Variants in BCAS3 observed in about 807,000 individuals in gnomAD.
The protein encoded by BCAS3 is BCAS3 microtubule associated cell migration factor.
BCAS3 carries 53 observed loss-of-function variants against 116.1 expected under a neutral mutation model. That is an observed-to-expected ratio of 0.46 (90% CI 0.37 to 0.57). BCAS3 has a LOEUF of 0.57. Among genes scored for constraint, BCAS3 ranks in the 20% least tolerant of loss-of-function variants. The probability of loss-of-function intolerance (pLI) is 0.00; values close to 1 mark genes in which losing one functional copy is unlikely to be tolerated. For missense variants in BCAS3, 917 were observed against 1,165.4 expected, an observed-to-expected ratio of 0.79 and a Z score of 3.10; for synonymous variants, 391 against 408.2, an observed-to-expected ratio of 0.96 and a Z score of 0.51.
intron 22 of BCAS3, among the ~76,000 whole-genome samples, chr17:61,206,465 G>A (rs900159620): frequency 2.0e-5 from 3 of 152,042 alleles, no homozygotes; most frequent in African/African-American, 4.8e-5. Context: ...GGTACTATGA[G>A]TGACTATAAT....
rs747404781 is a variant in BCAS3 at position 61,244,413 on chromosome 17, T to C, written c.2426-123914T>C. Among the ~76,000 whole-genome samples the C allele has an allele frequency of 9.9e-5, 15 of 152,226 alleles. No individual in the cohort carries two copies. The highest frequency in any genetic ancestry group is 1.5e-4 in the Non-Finnish European group (10 of 68,040). ...TTTTTACTTAGCACTATATTGTGAA[T>C]ATCATGAACAAAGACAGTTTGGAAA... is the stretch of plus-strand genomic sequence containing the variant. On this transcript the variant is annotated intron_variant, in intron 22 of 23. Coordinates refer to ENST00000407086, the MANE Select transcript of BCAS3 (RefSeq NM_017679.5). This position sits in a 1 kb window ranked among gnomAD's most constrained non-coding sequence, Gnocchi z 4.9.
At chr17:61,264,991 T>C (rs984548385) in intron 22 of BCAS3, among the ~76,000 whole-genome samples, 1 of 152,254 alleles carries the variant, frequency 6.6e-6, no homozygotes, top group Non-Finnish European at 1.5e-5. Flanking sequence ...GTGTGGTCTT[T>C]GGAGGCAGAC....
rs1256877304 is a variant in BCAS3, at chr17:61,118,105, C to T, written c.2425+33541C>T. On this transcript the variant is annotated intron_variant, in intron 22 of 23. Transcript: ENST00000407086. The surrounding 1 kb of genome is among the most constrained non-coding windows in gnomAD (Gnocchi z 5.0). ...TTTCAGTTGAAAGCTGGGCATTTCC[C>T]TATGATATGAATTGTACTTAAACCT... 6.6e-6 allele frequency among the ~76,000 whole-genome samples: 1 copy of T among 152,074 alleles called. No individual in the cohort carries two copies. Among genetic ancestry groups the T allele is most frequent in the Non-Finnish European group, 1.5e-5 (1 of 68,024 alleles).
chr17:60,976,659 T>C (rs1449703116), intron 14 of BCAS3, among the ~76,000 whole-genome samples: 5 of 152,116 alleles, frequency 3.3e-5, no homozygotes, highest in South Asian at 2.1e-4. Context: ...GTATGCTGCC[T>C]TCAAGCATCT....
chr17:60,730,872 CA>C (rs2040389941), intron 5 of BCAS3, among the ~76,000 whole-genome samples: 1 of 152,038 alleles, frequency 6.6e-6, no homozygotes, highest in African/African-American at 2.4e-5. Context: ...AATATATTAT[CA>C]AATTGGCTTA....
intron 4 of BCAS3, among the ~76,000 whole-genome samples, chr17:60,702,391 C>T (rs2036535758): frequency 6.6e-6 from 1 of 152,074 alleles, no homozygotes; most frequent in African/African-American, 2.4e-5. Context: ...AACTATAAAC[C>T]TTGAATACCA....
chr17:61,166,019 T>C (rs1204854393), intron 22 of BCAS3, among the ~76,000 whole-genome samples: 1 of 152,204 alleles, frequency 6.6e-6, no homozygotes, highest in Non-Finnish European at 1.5e-5. Flanking sequence ...ATTCTTATGA[T>C]GGTAAGGACA....
Position 61,307,392 on chromosome 17 carries a change from C to T in BCAS3, c.2426-60935C>T, listed in dbSNP as rs1024066457. On this transcript the variant is annotated intron_variant, in intron 22 of 23. Coordinates refer to ENST00000407086, the MANE Select transcript of BCAS3 (RefSeq NM_017679.5). The surrounding 1 kb of genome is among the most constrained non-coding windows in gnomAD (Gnocchi z 4.7). ...TAGAGGTTTCCTCAAGTTCCTTGAG[C>T]ATAATCTCAGAGAAGAATCTAACCC... is the stretch of plus-strand genomic sequence containing the variant. Among the ~76,000 whole-genome samples the T allele has an allele frequency of 6.6e-6, 1 of 152,234 alleles. No homozygotes were observed. Among genetic ancestry groups the T allele is most frequent in the African/African-American group, 2.4e-5 (1 of 41,464 alleles).
chr17:61,002,051 A>G (rs1023294531), intron 15 of BCAS3, among the ~76,000 whole-genome samples: 6 of 152,120 alleles, frequency 3.9e-5, no homozygotes, highest in African/African-American at 1.4e-4. Context: ...TCTCAGTAAA[A>G]TTGAGAGAAA....
chr17:61,218,139 T>C (rs1008945157), intron 22 of BCAS3, among the ~76,000 whole-genome samples: 3 of 152,214 alleles, frequency 2.0e-5, no homozygotes, highest in African/African-American at 7.2e-5. Context: ...AGAGATTAAA[T>C]TGGGCATCTT....
chr17:60,813,665 A>C (rs533850207), intron 7 of BCAS3, among the ~76,000 whole-genome samples: 1 of 152,266 alleles, frequency 6.6e-6, no homozygotes, highest in African/African-American at 2.4e-5. Context: ...GAAGCTCTTT[A>C]ATTAGTTCCC....
rs1273332898 is a variant in BCAS3, at chr17:61,056,504, T to G, written c.2029+15612T>G. 1.3e-5 allele frequency among the ~76,000 whole-genome samples: 2 copies of G among 152,014 alleles called. No individual in the cohort carries two copies. The highest frequency in any genetic ancestry group is 3.9e-4 in the East Asian group (2 of 5,192). ...TTTAATTAAAGTATTTAAAATAAAT[T>G]TATAAAGTATAAAAATTCTTTTATA... On this transcript the variant is annotated intron_variant, in intron 19 of 23. Coordinates refer to ENST00000407086, the MANE Select transcript of BCAS3 (RefSeq NM_017679.5). The surrounding 1 kb of genome is among the most constrained non-coding windows in gnomAD (Gnocchi z 4.9).
intron 22 of BCAS3, among the ~76,000 whole-genome samples, chr17:61,260,887 C>T (rs766057015): frequency 3.3e-5 from 5 of 152,310 alleles, no homozygotes; most frequent in South Asian, 4.1e-4. Context: ...GCTGCCTTTA[C>T]CTCTTGATGT....
chr17:60,908,978 G>C (rs1047135737), intron 11 of BCAS3, among the ~76,000 whole-genome samples: 1 of 152,130 alleles, frequency 6.6e-6, no homozygotes, highest in African/African-American at 2.4e-5. Flanking sequence ...TCAGGCCCTG[G>C]AGACAGATGG....
In BCAS3 at chr17:61,082,815, T is replaced by C. The variant is rs1332755238; in HGVS notation, c.2328-1652T>C. 6.6e-6 allele frequency among the ~76,000 whole-genome samples: 1 copy of C among 152,188 alleles called. No individual in the cohort carries two copies. The highest frequency in any genetic ancestry group is 1.5e-5 in the Non-Finnish European group (1 of 68,022). On this transcript the variant is annotated intron_variant, in intron 21 of 23. Coordinates refer to ENST00000407086, the MANE Select transcript of BCAS3 (RefSeq NM_017679.5). This position sits in a 1 kb window ranked among gnomAD's most constrained non-coding sequence, Gnocchi z 5.1. ...TAGCTGGGGTGGAATGAATATTGGG[T>C]AGTCCTACATAGCAGTGATCAATAT...
At chr17:60,988,399 A>G (rs1261028364) in intron 14 of BCAS3, among the ~76,000 whole-genome samples, 1 of 136,672 alleles carries the variant, frequency 7.3e-6, no homozygotes, top group Non-Finnish European at 1.5e-5. Flanking sequence ...TAATAAAAGC[A>G]TTGTGGAATG....
At chr17:60,759,178 TGGCCA>T (rs2043277220) in intron 6 of BCAS3, among the ~76,000 whole-genome samples, 1 of 152,218 alleles carries the variant, frequency 6.6e-6, no homozygotes, top group Non-Finnish European at 1.5e-5. Context: ...TTTGCCATGT[TGGCCA>T]GGCTGGAAGA....
chr17:61,322,781 TGAGAGAGAGAGACA>T (rs1568849823), intron 22 of BCAS3, among the ~76,000 whole-genome samples: 4 of 121,208 alleles, frequency 3.3e-5, no homozygotes, highest in Admixed American at 8.7e-5. Flanking sequence ...AAGCCTCTCT[TGAGAGAGAGAGACA>T]GAGAGAGAGA....
chr17:60,742,041 G>A (rs2041604066), intron 5 of BCAS3, among the ~76,000 whole-genome samples: 1 of 152,012 alleles, frequency 6.6e-6, no homozygotes, highest in African/African-American at 2.4e-5. Context: ...ATTATAGCTG[G>A]TTCCAAGAAG....
Sources: allele counts gnomAD v4.1 joint callset (sites outside exome capture counted in the v4.1 genomes callset), GRCh38; gene constraint gnomAD v4.1.1; non-coding constraint Gnocchi (gnomAD v3.1); transcripts MANE v1.5; gene names NCBI Gene and HGNC (gene_info 2026-07-23, HGNC 2026-07-21).